STK33: variants seen among roughly 807,000 people sequenced by gnomAD.
STK33 encodes serine/threonine kinase 33.
Under a neutral mutation model 58.0 loss-of-function variants are expected in STK33, and 52 were observed. The observed-to-expected ratio is 0.90, with a 90% CI of 0.72 to 1.13. The LOEUF is 1.13. Among genes scored for constraint, STK33 ranks in the 50% most tolerant of loss-of-function variants. STK33 has a pLI of 0.00. For missense variants in STK33, 630 were observed against 604.2 expected, an observed-to-expected ratio of 1.04 and a Z score of -0.45; for synonymous variants, 215 against 200.1, an observed-to-expected ratio of 1.07 and a Z score of -0.63.
intron 1 of STK33, among the ~76,000 whole-genome samples, chr11:8,531,737 C>T (rs1238037722): frequency 6.6e-6 from 1 of 152,172 alleles, no homozygotes; most frequent in African/African-American, 2.4e-5. Flanking sequence ...ATCACTTCTG[C>T]CATCTTCCAG....
chr11:8,492,727 C>G (rs111778793), intron 1 of STK33, among the ~76,000 whole-genome samples: 3,298 of 152,236 alleles, frequency 0.022, 127 homozygotes, highest in African/African-American at 0.077. Context: ...TGTAAAAGAA[C>G]AGAAATCACA....
At chr11:8,462,387 TTA>T (rs745562606) in intron 7 of STK33, among the ~76,000 whole-genome samples, 9 of 134,786 alleles carry the variant, frequency 6.7e-5, no homozygotes, top group East Asian at 2.2e-4. Flanking sequence ...TTTGATTTGA[TTA>T]TATATATATA....
intron 1 of STK33, among the ~76,000 whole-genome samples, chr11:8,538,614 G>C (rs577563834): frequency 5.9e-5 from 9 of 152,244 alleles, no homozygotes; most frequent in African/African-American, 2.2e-4. Flanking sequence ...GCCAGTAGTA[G>C]GCATATTTTT....
the STK33 span, among the ~76,000 whole-genome samples, chr11:8,362,236 AAATAGT>A: frequency 4.6e-5 from 7 of 152,190 alleles, no homozygotes; most frequent in Non-Finnish European, 2.9e-5. Context: ...TTAACTAGAA[AAATAGT>A]GTGCCCATTT....
chr11:8,353,771 C>T, the STK33 span, among the ~76,000 whole-genome samples: 1 of 152,150 alleles, frequency 6.6e-6, no homozygotes, highest in Non-Finnish European at 1.5e-5. Flanking sequence ...CTGTCATTTT[C>T]AAGGTTGTTT....
intron 1 of STK33, among the ~76,000 whole-genome samples, chr11:8,562,732 T>C (rs1048922607): frequency 2.6e-5 from 4 of 152,168 alleles, no homozygotes; most frequent in African/African-American, 4.8e-5. Flanking sequence ...AAGTAATAGT[T>C]ACTATTACAA....
At chr11:8,442,030 TACACACACACACACACAC>T (rs55646106) in intron 11 of STK33, among the ~76,000 whole-genome samples, 1 of 143,326 alleles carries the variant, frequency 7.0e-6, no homozygotes, top group Admixed American at 7.0e-5. Context: ...TACCTACACC[TACACACACACACACACAC>T]ACACACACAC....
intron 15 of STK33, among the ~76,000 whole-genome samples, chr11:8,398,062 C>A (rs569848533): frequency 6.6e-6 from 1 of 152,126 alleles, no homozygotes; most frequent in Non-Finnish European, 1.5e-5. Flanking sequence ...GGAGAACTTC[C>A]CCAATCTAGC....
At chr11:8,366,574 C>T in the STK33 span, among the ~76,000 whole-genome samples, 1 of 152,164 alleles carries the variant, frequency 6.6e-6, no homozygotes, top group African/African-American at 2.4e-5. Flanking sequence ...TGGCTTATCT[C>T]CCCTGGGTTC....
the STK33 span, among the ~76,000 whole-genome samples, chr11:8,345,865 G>A: frequency 5.9e-5 from 9 of 152,206 alleles, no homozygotes; most frequent in African/African-American, 2.2e-4. Flanking sequence ...AAGCAGCAGC[G>A]TGGATGGGGA....
At chr11:8,336,179 C>T in the STK33 span, among the ~76,000 whole-genome samples, 1 of 152,234 alleles carries the variant, frequency 6.6e-6, no homozygotes, top group Non-Finnish European at 1.5e-5. Flanking sequence ...CCTTGGGGCC[C>T]CACTGGACAC....
At chr11:8,559,621 G>T (rs577338992) in intron 1 of STK33, among the ~76,000 whole-genome samples, 86 of 152,048 alleles carry the variant, frequency 5.7e-4, no homozygotes, top group Non-Finnish European at 7.9e-4. Context: ...TTTATTCCCA[G>T]AATATTAAAT....
chr11:8,343,951 C>A, the STK33 span, among the ~76,000 whole-genome samples: 1 of 152,200 alleles, frequency 6.6e-6, no homozygotes, highest in Non-Finnish European at 1.5e-5. Flanking sequence ...TTCCACTCCT[C>A]CACAGGAACT....
chr11:8,335,429 C>T, the STK33 span, among the ~76,000 whole-genome samples: 3 of 152,208 alleles, frequency 2.0e-5, no homozygotes, highest in African/African-American at 4.8e-5. Context: ...CCATTGGCTC[C>T]TGGTACTAGT....
chr11:8,339,138 G>A, the STK33 span, among the ~76,000 whole-genome samples: 76 of 152,236 alleles, frequency 5.0e-4, no homozygotes, highest in African/African-American at 1.8e-3. Flanking sequence ...TATAGGCTGT[G>A]GGAAGACAAA....
intron 1 of STK33, among the ~76,000 whole-genome samples, chr11:8,547,965 G>A (rs1161658272): frequency 6.7e-6 from 1 of 149,638 alleles, no homozygotes; most frequent in Non-Finnish European, 1.5e-5. Flanking sequence ...TGAACAATGA[G>A]AACACTTGGA....
At chr11:8,565,104 C>A (rs1007868975) in intron 1 of STK33, among the ~76,000 whole-genome samples, 3 of 151,888 alleles carry the variant, frequency 2.0e-5, no homozygotes, top group Admixed American at 2.0e-4. Flanking sequence ...TATGAGAAAC[C>A]AAGCCAACAG....
chr11:8,475,643 T>C (rs1949195163), intron 4 of STK33: 1 of 152,158 alleles, frequency 6.6e-6, no homozygotes, highest in Non-Finnish European at 1.5e-5. Flanking sequence ...AAAATAAAAA[T>C]GAGTGGGTGC....
chr11:8,417,661 A>G (rs1941324391), intron 14 of STK33, among the ~76,000 whole-genome samples: 1 of 152,186 alleles, frequency 6.6e-6, no homozygotes, highest in Non-Finnish European at 1.5e-5. Flanking sequence ...TCCTAGGAGT[A>G]AATTTTTTCA....
Sources: gnomAD v4.1 joint callset for allele counts (sites outside exome capture counted in the v4.1 genomes callset) on GRCh38, gnomAD v4.1.1 for gene constraint, MANE v1.5 for transcripts, NCBI Gene and HGNC (gene_info 2026-07-23, HGNC 2026-07-21) for gene names.